LAMC1: variants seen among roughly 807,000 people sequenced by gnomAD.
The protein encoded by LAMC1 is laminin subunit gamma-1.
Under a neutral mutation model 173.6 loss-of-function variants are expected in LAMC1, and 38 were observed. The ratio of observed to expected loss-of-function variants is 0.22; its 90% CI spans 0.17 to 0.29. The LOEUF is 0.29. LAMC1 is among the 10% of genes least tolerant of loss of function. The probability of loss-of-function intolerance (pLI) is 1.00; values close to 1 mark genes in which losing one functional copy is unlikely to be tolerated. For synonymous variants in LAMC1, 746 were observed against 749.1 expected, an observed-to-expected ratio of 1.00 and a Z score of 0.07; for missense variants, 1,824 against 2,051.8, an observed-to-expected ratio of 0.89 and a Z score of 2.14.
intron 1 of LAMC1, among the ~76,000 whole-genome samples, chr1:183,034,221 G>T (rs184945241): frequency 2.6e-4 from 40 of 152,224 alleles, no homozygotes; most frequent in Admixed American, 5.2e-4. Flanking sequence ...AGATTTATTC[G>T]TAATGTATTT....
chr1:183,104,412 CTGG>C (rs1282579585), intron 2 of LAMC1, among the ~76,000 whole-genome samples: 2 of 152,178 alleles, frequency 1.3e-5, no homozygotes, highest in African/African-American at 4.8e-5. Flanking sequence ...TATGGAAAAG[CTGG>C]TGAGCCTCAT....
chr1:183,094,162 T>C (rs1335678929), intron 1 of LAMC1, among the ~76,000 whole-genome samples: 1 of 152,170 alleles, frequency 6.6e-6, no homozygotes. Flanking sequence ...CGCACTGGCC[T>C]CCTCACCACT....
Position 183,116,660 on chromosome 1 carries a change from G to A in LAMC1, c.1412G>A (p.Gly471Asp). The A allele has an allele frequency of 8.1e-6, 13 of 1,612,986 alleles. No individual in the cohort carries two copies. Among genetic ancestry groups the A allele is most frequent in the East Asian group, 6.7e-5 (3 of 44,872 alleles). The change falls in exon 7 of 28, where the codon GGC (glycine) becomes GAC (aspartate). Residue 471 changes from glycine to aspartate, a missense_variant. Physicochemically the swap from Gly to Asp is moderately conservative, Grantham distance 94 (BLOSUM62 -1). Transcript: ENST00000258341. The stretch of plus-strand genomic sequence containing the variant: ...TGTGTTTGCAAAGACAATGTCGAAG[G>A]CTTCAATTGTGAAAGGTAGTGCATT... The part of the protein sequence containing the change: ...GRCVCKDNVE[G>D]FNCERCKPGF...
intron 1 of LAMC1, among the ~76,000 whole-genome samples, chr1:183,029,790 G>T (rs1653802813): frequency 6.6e-6 from 1 of 152,130 alleles, no homozygotes; most frequent in South Asian, 2.1e-4. Flanking sequence ...ACGAGTCAGG[G>T]GTTTAGTAAT....
intron 23 of LAMC1, 62 bp downstream of exon 23, chr1:183,134,871 C>T: frequency 8.6e-7 from 1 of 1,168,150 alleles, no homozygotes; most frequent in Non-Finnish European, 1.2e-6. Context: ...CCAAATGGGT[C>T]TGTGATGATG....
At chr1:183,124,121 A>G (rs965592283) in intron 13 of LAMC1, among the ~76,000 whole-genome samples, 10 of 152,184 alleles carry the variant, frequency 6.6e-5, no homozygotes, top group African/African-American at 2.4e-4. Flanking sequence ...ATGATTTCTA[A>G]GTTCTCTTCT....
chr1:183,045,434 G>A (rs1304986741), intron 1 of LAMC1, among the ~76,000 whole-genome samples: 1 of 151,926 alleles, frequency 6.6e-6, no homozygotes, highest in African/African-American at 2.4e-5. Flanking sequence ...TTGTTTTTGA[G>A]CTTTGTAAAA....
intron 16 of LAMC1, 134 bp downstream of exon 16, chr1:183,126,396 T>A (rs889035068): frequency 7.6e-6 from 6 of 787,874 alleles, no homozygotes; most frequent in Non-Finnish European, 1.2e-5. Flanking sequence ...TCATCGTAGA[T>A]GCTTTATTTG....
intron 1 of LAMC1, among the ~76,000 whole-genome samples, chr1:183,048,931 G>C (rs1357578126): frequency 6.6e-6 from 1 of 152,140 alleles, no homozygotes; most frequent in Non-Finnish European, 1.5e-5. Context: ...TAGCCAAGTT[G>C]TTACCTAGTA....
chr1:183,094,217 G>GCCATTCCTGGAATGCTCTTC (rs955299490), intron 1 of LAMC1, among the ~76,000 whole-genome samples: 38 of 152,066 alleles, frequency 2.5e-4, no homozygotes, highest in Non-Finnish European at 1.9e-4. Context: ...TATTGCACTT[G>GCCATTCCTGGAATGCTCTTC]CCATTCCTGG....
In LAMC1 at chr1:183,113,892, ATTTGACTTGAC is replaced by A. The variant is rs979568900; in HGVS notation, c.1022-635_1022-625del. On this transcript the variant is annotated intron_variant, in intron 4 of 27. Transcript: ENST00000258341. Reference sequence around the variant, plus strand: ...AGGCTAAAGATTCAGGAGAATTATAATTTGACTTGACTTTTACTTGTATATGAACAATTACC... The same window carrying A: ...AGGCTAAAGATTCAGGAGAATTATAATTTTACTTGTATATGAACAATTACC... Among the ~76,000 whole-genome samples the A allele has an allele frequency of 7.0e-4, 106 of 152,360 alleles. 1 individual carries two copies. Among genetic ancestry groups the A allele is most frequent in the Admixed American group, 2.6e-3 (40 of 15,306 alleles).
In LAMC1 at chr1:183,126,209, A is replaced by C; in HGVS notation, c.2891A>C (p.His964Pro). 6.2e-7 allele frequency: 1 copy of C among 1,614,154 alleles called. No homozygotes were observed. Among genetic ancestry groups the C allele is most frequent in the Non-Finnish European group, 8.5e-7 (1 of 1,180,002 alleles). ...CECQPGITGQ[H>P]CERCEVNHFG... ...TGCCAGCCCGGCATCACTGGTCAGC[A>C]CTGTGAGCGCTGTGAGGTCAACCAC... is the stretch of plus-strand genomic sequence containing the variant. The change falls in exon 16 of 28, where the codon CAC becomes CCC. Residue 964 changes from histidine (H) to proline (P), a missense_variant. Transcript: ENST00000258341.
At chr1:183,047,515 G>A (rs1654296718) in intron 1 of LAMC1, among the ~76,000 whole-genome samples, 1 of 152,168 alleles carries the variant, frequency 6.6e-6, no homozygotes, top group Admixed American at 6.5e-5. Flanking sequence ...AGAAAGGATT[G>A]CATTTAAAAG....
chr1:183,123,636 C>A (rs895664209), intron 13 of LAMC1, among the ~76,000 whole-genome samples: 4 of 152,084 alleles, frequency 2.6e-5, no homozygotes, highest in Admixed American at 1.3e-4. Flanking sequence ...ATAAAGTAGC[C>A]CTCACCTTCA....
chr1:183,112,684 A>C (rs533940942), intron 4 of LAMC1, among the ~76,000 whole-genome samples: 7 of 152,228 alleles, frequency 4.6e-5, no homozygotes, highest in Admixed American at 1.3e-4. Flanking sequence ...TCAGAACATC[A>C]GATCTTCAGG....
At chr1:183,142,216 T>C (rs1201201595) in intron 27 of LAMC1, among the ~76,000 whole-genome samples, 1 of 152,230 alleles carries the variant, frequency 6.6e-6, no homozygotes, top group East Asian at 1.9e-4. Flanking sequence ...TTAAATGTTA[T>C]CAGATGGCCC....
At chr1:183,058,105 T>C (rs1188906512) in intron 1 of LAMC1, among the ~76,000 whole-genome samples, 1 of 152,240 alleles carries the variant, frequency 6.6e-6, no homozygotes, top group Non-Finnish European at 1.5e-5. Flanking sequence ...TTGTCTATGA[T>C]GTAGTTTTCT....
intron 1 of LAMC1, among the ~76,000 whole-genome samples, chr1:183,034,660 C>G (rs912005032): frequency 6.6e-6 from 1 of 152,148 alleles, no homozygotes; most frequent in Non-Finnish European, 1.5e-5. Flanking sequence ...CTTCCCGGAT[C>G]TTGAAGAAAA....
chr1:183,105,177 A>G (rs995565322), intron 2 of LAMC1, among the ~76,000 whole-genome samples: 7 of 147,344 alleles, frequency 4.8e-5, no homozygotes, highest in Non-Finnish European at 1.0e-4. Flanking sequence ...GTGAGCAAAG[A>G]TCATGCCACT....
Sources: allele counts gnomAD v4.1 joint callset (sites outside exome capture counted in the v4.1 genomes callset), GRCh38; gene constraint gnomAD v4.1.1; transcripts MANE v1.5; gene names NCBI Gene and HGNC (gene_info 2026-07-23, HGNC 2026-07-21).